The following TXNRD1 variants were observed in gnomAD, a reference collection of about 807,000 sequenced individuals.
TXNRD1 encodes the protein thioredoxin reductase 1, also known as thioredoxin reductase 1, cytoplasmic.
TXNRD1 carries 57 observed loss-of-function variants against 80.3 expected under a neutral mutation model. The ratio of observed to expected loss-of-function variants is 0.71; its 90% CI spans 0.57 to 0.89. The LOEUF is 0.89. TXNRD1 is among the 40% of genes least tolerant of loss of function. The pLI, the probability that TXNRD1 is intolerant of heterozygous loss-of-function variation, is 0.00. For synonymous variants in TXNRD1, 291 were observed against 285.2 expected (o/e 1.02, Z -0.20); for missense variants, 730 against 803.0 (o/e 0.91, Z 1.10).
intron 16 of TXNRD1, among the ~76,000 whole-genome samples, chr12:104,343,065 C>T (rs887923672): frequency 6.6e-6 from 1 of 152,146 alleles, no homozygotes; most frequent in African/African-American, 2.4e-5. Context: ...AGAGCAGACT[C>T]GAGGTGACAG....
intron 15 of TXNRD1, among the ~76,000 whole-genome samples, chr12:104,335,534 G>A (rs1337067539): frequency 6.6e-6 from 1 of 152,128 alleles, no homozygotes; most frequent in East Asian, 1.9e-4. Context: ...ACCTGTGAAA[G>A]CCTGTGAGCA....
At chr12:104,254,630 G>GAAAAAAAAAAAAAAA (rs760022093) in intron 2 of TXNRD1, among the ~76,000 whole-genome samples, 1 of 17,298 alleles carries the variant, frequency 5.8e-5, no homozygotes, top group Non-Finnish European at 1.1e-4. Context: ...TATGTCTATG[G>GAAAAAAAAAAAAAAA]AAAAAAAAAA....
chr12:104,240,440 A>C (rs566509955), intron 1 of TXNRD1, among the ~76,000 whole-genome samples: 41 of 152,252 alleles, frequency 2.7e-4, no homozygotes, highest in African/African-American at 9.4e-4. Flanking sequence ...AACTAGGATT[A>C]CTCCACTTAC....
chr12:104,293,494 A>C (rs1045347423), intron 4 of TXNRD1, among the ~76,000 whole-genome samples: 4 of 152,176 alleles, frequency 2.6e-5, no homozygotes, highest in Non-Finnish European at 5.9e-5. Context: ...GTCTGGCTCT[A>C]TTGCCCAGTG....
At chr12:104,328,765 A>C (rs1323154234) in intron 13 of TXNRD1, among the ~76,000 whole-genome samples, 1 of 150,462 alleles carries the variant, frequency 6.6e-6, no homozygotes, top group Non-Finnish European at 1.5e-5. Flanking sequence ...CCTCAAAAAA[A>C]AAAAAAAAAA....
intron 2 of TXNRD1, among the ~76,000 whole-genome samples, chr12:104,254,324 C>A (rs778095803): frequency 6.6e-6 from 1 of 151,892 alleles, no homozygotes; most frequent in Non-Finnish European, 1.5e-5. Flanking sequence ...GGACTTAAAA[C>A]CTTGGGTGGT....
intron 4 of TXNRD1, chr12:104,289,355 A>G (rs989255664): frequency 3.4e-4 from 83 of 245,876 alleles, no homozygotes; most frequent in African/African-American, 1.8e-3. Flanking sequence ...TTTAGCAGCA[A>G]TGTAATCTGC....
chr12:104,282,025 A>G (rs2033889970), intron 3 of TXNRD1, among the ~76,000 whole-genome samples: 1 of 152,194 alleles, frequency 6.6e-6, no homozygotes. Flanking sequence ...AATGTGAGAC[A>G]AGTCTCTAAA....
Position 104,258,397 on chromosome 12 carries a change from C to G in TXNRD1, c.304+318C>G, listed in dbSNP as rs191262012. ...TAACTTTACTTTTGCAAATTTGTCT[C>G]CTTTCTGATAAGTAATACAAATAGT... On this transcript the variant is annotated intron_variant, in intron 3 of 16. Coordinates refer to ENST00000525566, the MANE Select transcript of TXNRD1 (RefSeq NM_001093771.3). 3 of 217,736 alleles carry G rather than the reference C, an allele frequency of 1.4e-5. No homozygotes were observed. The East Asian group carries it at 3.3e-4, about 24-fold the overall frequency. The allele number at this position is 217,736 out of a possible 1,614,324, so 13.5% of individuals were successfully genotyped here. A position where few individuals can be genotyped will look rare whatever the true frequency, so the allele number is the denominator to read the frequency against.
intron 16 of TXNRD1, among the ~76,000 whole-genome samples, chr12:104,343,798 CAA>C (rs35961669): frequency 2.7e-4 from 40 of 145,696 alleles, no homozygotes; most frequent in Non-Finnish European, 2.3e-4. Flanking sequence ...GACCCTGTCT[CAA>C]AAAAAAAAAA....
intron 7 of TXNRD1, among the ~76,000 whole-genome samples, chr12:104,316,524 G>A (rs1458175835): frequency 6.6e-6 from 1 of 152,126 alleles, no homozygotes; most frequent in African/African-American, 2.4e-5. Context: ...CGAGTAGCTG[G>A]GATTACGGGC....
At position 104,258,073 on chromosome 12, in the gene TXNRD1, C is replaced by CAAACAGGTAAGTTTTAACATATT; in HGVS notation, c.304+8_304+9insTAACATATTAAACAGGTAAGTTT. 1 of 1,549,464 alleles carries CAAACAGGTAAGTTTTAACATATT rather than the reference C, an allele frequency of 6.5e-7. No individual in the cohort carries two copies. On this transcript the variant is annotated stop_gained and frameshift_variant, in exon 3 of 17. Coordinates refer to ENST00000525566, the MANE Select transcript of TXNRD1 (RefSeq NM_001093771.3). LOFTEE classifies it high-confidence loss of function. ...TCCTTATTTTGTGCTTGAACTTGAT[C>CAAACAGGTAAGTTTTAACATATT]AAACAGGTAAGTTTCTGTTTAATAT...
intron 3 of TXNRD1, among the ~76,000 whole-genome samples, chr12:104,277,301 G>T (rs1160842222): frequency 6.6e-6 from 1 of 151,378 alleles, no homozygotes; most frequent in African/African-American, 2.4e-5. Flanking sequence ...TAGGGAGGCT[G>T]AGGCAGGAGA....
intron 3 of TXNRD1, chr12:104,286,974 A>C: frequency 8.0e-7 from 1 of 1,249,566 alleles, no homozygotes; most frequent in Non-Finnish European, 1.0e-6. Context: ...CGCTCGGCGC[A>C]GGGCGTGGCT....
At chr12:104,239,455 G>A (rs12300246) in intron 1 of TXNRD1, among the ~76,000 whole-genome samples, 28,404 of 151,998 alleles carry the variant, frequency 0.19, 2,964 homozygotes, top group African/African-American at 0.28. Context: ...TCGGCCTCAC[G>A]AAGTACTGGG....
chr12:104,257,519 G>A (rs1377842722), intron 2 of TXNRD1, among the ~76,000 whole-genome samples: 1 of 148,098 alleles, frequency 6.8e-6, no homozygotes, highest in African/African-American at 2.5e-5. Flanking sequence ...TGATTCTCCT[G>A]CCTCAGCCTC....
intron 3 of TXNRD1, chr12:104,287,250 G>C (rs568633006): frequency 6.2e-7 from 1 of 1,613,782 alleles, no homozygotes; most frequent in Non-Finnish European, 8.5e-7. Context: ...ATATTTTAAG[G>C]CGTGTCTGAG....
chr12:104,306,894 C>A lies in TXNRD1; in HGVS notation c.415-4396C>A, dbSNP rs1038124469. On this transcript the variant is annotated intron_variant, in intron 4 of 16. Transcript: ENST00000525566. ...ACTCTTAATGACAGCAAAAAGATCC[C>A]GCCCCAGTACTTTACTGACATTCAG... Among the ~76,000 whole-genome samples, 5 of 152,124 alleles carry A rather than the reference C, an allele frequency of 3.3e-5. 1 individual carries two copies.
At chr12:104,246,005 CG>C (rs1394275911) in intron 1 of TXNRD1, among the ~76,000 whole-genome samples, 5 of 147,838 alleles carry the variant, frequency 3.4e-5, no homozygotes, top group African/African-American at 1.3e-4. Context: ...CCCAGCTACT[CG>C]GGAGGTCAAG....
Sources: gnomAD v4.1 joint callset for allele counts (sites outside exome capture counted in the v4.1 genomes callset) on GRCh38, gnomAD v4.1.1 for gene constraint, MANE v1.5 for transcripts, NCBI Gene and HGNC (gene_info 2026-07-23, HGNC 2026-07-21) for gene names.